SLX4IP: variants seen among roughly 807,000 people sequenced by gnomAD.
The protein encoded by SLX4IP is protein SLX4IP.
Under a neutral mutation model 32.9 loss-of-function variants are expected in SLX4IP, and 34 were observed. That is an observed-to-expected ratio of 1.03 (90% CI 0.79 to 1.38). The LOEUF (loss-of-function observed/expected upper bound fraction) is 1.38, where lower values mean the gene tolerates loss of function less well. SLX4IP is among the 40% of genes most tolerant of loss of function. SLX4IP has a pLI of 0.00. For synonymous variants in SLX4IP, 172 were observed against 171.7 expected, an observed-to-expected ratio of 1.00 and a Z score of -0.01; for missense variants, 444 against 479.0, an observed-to-expected ratio of 0.93 and a Z score of 0.68.
At chr20:10,558,412 A>G (rs1367058495) in intron 3 of SLX4IP, among the ~76,000 whole-genome samples, 2 of 151,960 alleles carry the variant, frequency 1.3e-5, no homozygotes, top group Middle Eastern at 3.5e-3. Context: ...TGTGCGTAAG[A>G]AAGGAGAAAA....
intron 2 of SLX4IP, among the ~76,000 whole-genome samples, chr20:10,473,093 A>G (rs2065439513): frequency 6.6e-6 from 1 of 152,192 alleles, no homozygotes; most frequent in Non-Finnish European, 1.5e-5. Context: ...CAGCTGAGTT[A>G]TTTGGCATTC....
intron 4 of SLX4IP, among the ~76,000 whole-genome samples, chr20:10,563,083 T>C (rs186740002): frequency 6.6e-6 from 1 of 152,336 alleles, no homozygotes; most frequent in Admixed American, 6.5e-5. Flanking sequence ...TTGTTAGTTT[T>C]TGTCTTTTTG....
Position 10,541,226 on chromosome 20 carries a change from G to C in SLX4IP, c.28-15005G>C, listed in dbSNP as rs1191504532. On this transcript the variant is annotated intron_variant, in intron 2 of 7. Coordinates refer to ENST00000334534, the MANE Select transcript of SLX4IP (RefSeq NM_001009608.3). ...AAAATAAAACAATTCTATTGGATCA[G>C]CACCTTCTTTGGTAAAGTTCAAAGA... is the stretch of plus-strand genomic sequence containing the variant. Among the ~76,000 whole-genome samples, 3 of 152,126 alleles carry C rather than the reference G, an allele frequency of 2.0e-5. No individual in the cohort carries two copies. In the East Asian group the frequency reaches 5.8e-4, roughly 29 times the overall value.
At chr20:10,591,966 T>G (rs1260812665) in intron 4 of SLX4IP, among the ~76,000 whole-genome samples, 1 of 152,178 alleles carries the variant, frequency 6.6e-6, no homozygotes, top group African/African-American at 2.4e-5. Flanking sequence ...ACCTACAAAG[T>G]CAAAAGGGTG....
chr20:10,477,080 G>T (rs1002675714), intron 2 of SLX4IP, among the ~76,000 whole-genome samples: 2 of 152,140 alleles, frequency 1.3e-5, no homozygotes, highest in East Asian at 3.9e-4. Context: ...GGGTTTTCCC[G>T]TATCAAGAGC....
chr20:10,436,987 TTTTAA>T (rs964869200), intron 1 of SLX4IP, among the ~76,000 whole-genome samples: 4 of 152,034 alleles, frequency 2.6e-5, no homozygotes, highest in African/African-American at 9.7e-5. Flanking sequence ...ATATTTGTAC[TTTTAA>T]TTTGTTAAAA....
At chr20:10,523,072 G>T (rs1427166383) in intron 2 of SLX4IP, among the ~76,000 whole-genome samples, 5 of 152,110 alleles carry the variant, frequency 3.3e-5, no homozygotes, top group South Asian at 2.1e-4. Context: ...ATGCATATGT[G>T]AATCCTAAGT....
chr20:10,613,642 C>T (rs1395463115), intron 6 of SLX4IP: 2 of 1,613,980 alleles, frequency 1.2e-6, no homozygotes, highest in Non-Finnish European at 1.7e-6. Context: ...TCTTCCTGAG[C>T]CCTCCTTTTC....
At chr20:10,588,073 A>G (rs896647912) in intron 4 of SLX4IP, among the ~76,000 whole-genome samples, 2 of 152,114 alleles carry the variant, frequency 1.3e-5, no homozygotes, top group Non-Finnish European at 2.9e-5. Context: ...TTTCAAGCCC[A>G]TATATCTAAT....
intron 6 of SLX4IP, chr20:10,613,408 C>T (rs2066990720): frequency 3.9e-6 from 6 of 1,558,062 alleles, no homozygotes; most frequent in African/African-American, 1.4e-5. Context: ...CAATTTACAC[C>T]TAAGGACCTT....
intron 2 of SLX4IP, among the ~76,000 whole-genome samples, chr20:10,504,285 T>C (rs138523258): frequency 7.4e-4 from 112 of 152,280 alleles, no homozygotes; most frequent in African/African-American, 2.6e-3. Flanking sequence ...CCAGGAGCAC[T>C]GGAAGAGTGG....
intron 4 of SLX4IP, among the ~76,000 whole-genome samples, chr20:10,568,488 G>A (rs2066422040): frequency 6.6e-6 from 1 of 152,194 alleles, no homozygotes; most frequent in Non-Finnish European, 1.5e-5. Flanking sequence ...GCCTCTGGAA[G>A]AATCTCTGGC....
Position 10,623,553 on chromosome 20 carries a change from G to A in SLX4IP, c.*174G>A. ...TTTGTTTTCAAAGCATTTCAAACCGGGAGGCTATATGCTTGTTCTAACAGC... is the reference window on the plus strand; with the variant it reads ...TTTGTTTTCAAAGCATTTCAAACCGAGAGGCTATATGCTTGTTCTAACAGC... On this transcript the variant is annotated 3_prime_UTR_variant, in exon 8 of 8. Transcript: ENST00000334534. The A allele has an allele frequency of 4.3e-6, 4 of 936,736 alleles. No homozygotes were observed. Among genetic ancestry groups the A allele is most frequent in the South Asian group, 3.8e-5 (2 of 51,996 alleles). The allele number at this position is 936,736 out of a possible 1,614,324, so 58.0% of individuals were successfully genotyped here.
At chr20:10,574,436 G>GAT (rs2066500236) in intron 4 of SLX4IP, among the ~76,000 whole-genome samples, 1 of 152,128 alleles carries the variant, frequency 6.6e-6, no homozygotes, top group African/African-American at 2.4e-5. Flanking sequence ...ACATCAGAAA[G>GAT]ATAATTTTTC....
chr20:10,621,152 A>T (rs955306671), intron 6 of SLX4IP, among the ~76,000 whole-genome samples, 162 bp from the exon 7 acceptor site: 1 of 152,262 alleles, frequency 6.6e-6, no homozygotes, highest in South Asian at 2.1e-4. Flanking sequence ...ACAATTAACC[A>T]TAAAGTCCTA....
chr20:10,578,599 C>T (rs371523389), intron 4 of SLX4IP, among the ~76,000 whole-genome samples: 2 of 152,258 alleles, frequency 1.3e-5, no homozygotes, highest in East Asian at 1.9e-4. Context: ...TATATACCTA[C>T]GAATGGAATT....
intron 4 of SLX4IP, among the ~76,000 whole-genome samples, chr20:10,590,035 A>G (rs2066688708): frequency 6.6e-6 from 1 of 152,132 alleles, no homozygotes. Context: ...TTACACACAT[A>G]AAAAATAACA....
At chr20:10,600,504 A>G (rs1029817804) in intron 5 of SLX4IP, among the ~76,000 whole-genome samples, 2 of 152,168 alleles carry the variant, frequency 1.3e-5, no homozygotes, top group African/African-American at 4.8e-5. Flanking sequence ...GCAGTGGTTG[A>G]TGGGATAAGG....
intron 2 of SLX4IP, among the ~76,000 whole-genome samples, chr20:10,484,226 C>G (rs1437267117): frequency 6.6e-6 from 1 of 152,022 alleles, no homozygotes; most frequent in Admixed American, 6.6e-5. Context: ...TTTTCCTCCC[C>G]TACAATGAGA....
Sources: allele counts gnomAD v4.1 joint callset (sites outside exome capture counted in the v4.1 genomes callset), GRCh38; gene constraint gnomAD v4.1.1; transcripts MANE v1.5; gene names NCBI Gene and HGNC (gene_info 2026-07-23, HGNC 2026-07-21).